The following EDARADD variants were observed in gnomAD, a reference collection of about 807,000 sequenced individuals.
The protein encoded by EDARADD is ectodysplasin-A receptor-associated adapter protein.
A neutral mutation model predicts 25.6 loss-of-function variants in EDARADD; 20 were observed. The observed-to-expected ratio is 0.78, with a 90% CI of 0.55 to 1.14. EDARADD has a LOEUF of 1.14. Among genes scored for constraint, EDARADD ranks in the 50% most tolerant of loss-of-function variants. The pLI is 0.00. For missense variants in EDARADD, 225 were observed against 270.1 expected, an observed-to-expected ratio of 0.83 and a Z score of 1.17; for synonymous variants, 86 against 94.4, an observed-to-expected ratio of 0.91 and a Z score of 0.52.
chr1:236,447,216 CTTTCT>C (rs2103025239), intron 4 of EDARADD, among the ~76,000 whole-genome samples: 1 of 34,560 alleles, frequency 2.9e-5, no homozygotes, highest in East Asian at 4.5e-4. Flanking sequence ...TTCTTTCTTT[CTTTCT>C]TTCCTTTCTT....
Position 236,461,370 on chromosome 1 carries a change from A to C in EDARADD, c.220-6861A>C, listed in dbSNP as rs542689543. The stretch of plus-strand genomic sequence containing the variant: ...TCTAGTTTCATTCTTTTGCATATGG[A>C]TATCCAGTTTTCCCAGCACCATTTA... On this transcript the variant is annotated intron_variant, in intron 4 of 5. Coordinates refer to ENST00000334232, the MANE Select transcript of EDARADD (RefSeq NM_145861.4). Among the ~76,000 whole-genome samples the C allele has an allele frequency of 3.3e-5, 5 of 152,246 alleles. No individual in the cohort carries two copies. The South Asian group carries it at 1.0e-3, about 32-fold the overall frequency.
chr1:236,412,956 C>T (rs138312660), intron 2 of EDARADD, among the ~76,000 whole-genome samples: 399 of 152,344 alleles, frequency 2.6e-3, no homozygotes, highest in South Asian at 0.013. Context: ...GCAACCTCCG[C>T]CTCCTGGGGC....
chr1:236,384,759 C>T (rs1337038047), intron 3 of EDARADD, among the ~76,000 whole-genome samples: 1 of 152,098 alleles, frequency 6.6e-6, no homozygotes, highest in Non-Finnish European at 1.5e-5. Context: ...TAATCTCAAA[C>T]TCCTGGCCTC....
intron 4 of EDARADD, 131 bp from the exon 5 acceptor site, chr1:236,468,100 C>A: frequency 2.4e-6 from 2 of 830,960 alleles, no homozygotes; most frequent in South Asian, 1.4e-5. Context: ...AAATGCCATT[C>A]TCAAGATCCA....
At chr1:236,373,916 C>T (rs1667197848) in intron 3 of EDARADD, among the ~76,000 whole-genome samples, 1 of 152,116 alleles carries the variant, frequency 6.6e-6, no homozygotes, top group African/African-American at 2.4e-5. Flanking sequence ...CTTCCTTGAT[C>T]CATGTGTTAT....
intron 1 of EDARADD, among the ~76,000 whole-genome samples, chr1:236,399,055 TACTC>T (rs1667569490): frequency 1.3e-5 from 2 of 152,346 alleles, no homozygotes; most frequent in South Asian, 4.1e-4. Flanking sequence ...TTTAGGAACT[TACTC>T]ATCGAGTTAG....
At chr1:236,443,912 T>C (rs962499473) in intron 4 of EDARADD, among the ~76,000 whole-genome samples, 3 of 152,208 alleles carry the variant, frequency 2.0e-5, no homozygotes, top group Non-Finnish European at 4.4e-5. Context: ...GAGAAATCTT[T>C]TGTGAAATGA....
intron 4 of EDARADD, among the ~76,000 whole-genome samples, chr1:236,464,504 C>T (rs906477917): frequency 7.2e-6 from 1 of 139,190 alleles, no homozygotes; most frequent in Non-Finnish European, 1.5e-5. Flanking sequence ...GTGATCTCGG[C>T]TCAATGCAAC....
chr1:236,352,602 C>CT (rs1343902542), intron 3 of EDARADD, among the ~76,000 whole-genome samples: 7 of 152,144 alleles, frequency 4.6e-5, no homozygotes, highest in African/African-American at 1.7e-4. Context: ...AATCCCAGCA[C>CT]TTTGGGAGGC....
chr1:236,361,586 T>C (rs1192718854), intron 3 of EDARADD, among the ~76,000 whole-genome samples: 1 of 147,630 alleles, frequency 6.8e-6, no homozygotes, highest in Non-Finnish European at 1.5e-5. Context: ...CACCTCGGCC[T>C]CCCAAAGTGC....
At chr1:236,472,876 T>C (rs1659394249) in intron 5 of EDARADD, among the ~76,000 whole-genome samples, 1 of 152,160 alleles carries the variant, frequency 6.6e-6, no homozygotes, top group Non-Finnish European at 1.5e-5. Context: ...GCTCATGCCG[T>C]TAATCTCCAT....
chr1:236,357,692 C>T lies in EDARADD; in HGVS notation c.-6+6853C>T, dbSNP rs182366393. ...GTGCCACAGACTTCACAAACCAGAT[C>T]TCCCGAGACCTCACTCGCCAGTGTG... On this transcript the variant is annotated intron_variant, in intron 3 of 7. Transcript: ENST00000439430. 6.6e-5 allele frequency among the ~76,000 whole-genome samples: 10 copies of T among 152,038 alleles called. No individual in the cohort carries two copies. In the East Asian group the frequency reaches 1.9e-3, roughly 29 times the overall value.
At chr1:236,349,790 G>A (rs1358178604) in intron 2 of EDARADD, among the ~76,000 whole-genome samples, 6 of 151,798 alleles carry the variant, frequency 4.0e-5, no homozygotes, top group Admixed American at 6.6e-5. Context: ...ATCTGGAAAG[G>A]AAGGAAGGAA....
intron 5 of EDARADD, among the ~76,000 whole-genome samples, chr1:236,469,796 G>T (rs2103036430): frequency 6.6e-6 from 1 of 152,156 alleles, no homozygotes; most frequent in East Asian, 1.9e-4. Flanking sequence ...TCATTCCATA[G>T]ATTTTTTTTT....
intron 4 of EDARADD, among the ~76,000 whole-genome samples, chr1:236,449,351 G>A (rs627305): frequency 0.99 from 150,499 of 152,334 alleles, 74,365 homozygotes; most frequent in East Asian, 1. Context: ...AATTCAGTCC[G>A]TAACAGCACA....
intron 4 of EDARADD, among the ~76,000 whole-genome samples, chr1:236,456,029 T>C (rs890595257): frequency 6.6e-6 from 1 of 152,168 alleles, no homozygotes; most frequent in Non-Finnish European, 1.5e-5. Flanking sequence ...GACCTTGTAA[T>C]CCGCCCGCCT....
In EDARADD at chr1:236,424,705, G is replaced by A. The variant is rs539434647; in HGVS notation, c.161-2687G>A. Among the ~76,000 whole-genome samples, 15 of 152,084 alleles carry A rather than the reference G, an allele frequency of 9.9e-5. No individual in the cohort carries two copies. In the South Asian group the frequency reaches 1.9e-3, roughly 19 times the overall value. ...TGAATTAACCCTTTTACTGTGCCCCGGGGCTACTAGGAGTTTTCCCTACAA... is the reference window on the plus strand; with the variant it reads ...TGAATTAACCCTTTTACTGTGCCCCAGGGCTACTAGGAGTTTTCCCTACAA... On this transcript the variant is annotated intron_variant, in intron 3 of 5. Coordinates refer to ENST00000334232, the MANE Select transcript of EDARADD (RefSeq NM_145861.4).
chr1:236,443,538 T>C (rs966243965), intron 4 of EDARADD, among the ~76,000 whole-genome samples: 1 of 152,236 alleles, frequency 6.6e-6, no homozygotes, highest in South Asian at 2.1e-4. Flanking sequence ...GGGAAGTAAC[T>C]GCAGATACAG....
chr1:236,449,120 T>G (rs1658640751), intron 4 of EDARADD, among the ~76,000 whole-genome samples: 1 of 152,164 alleles, frequency 6.6e-6, no homozygotes, highest in South Asian at 2.1e-4. Flanking sequence ...ATTCCTTGGC[T>G]TGTAGAAGCA....
Sources: gnomAD v4.1 joint callset for allele counts (sites outside exome capture counted in the v4.1 genomes callset) on GRCh38, gnomAD v4.1.1 for gene constraint, MANE v1.5 for transcripts, NCBI Gene and HGNC (gene_info 2026-07-23, HGNC 2026-07-21) for gene names.